The following GLCE variants were observed in gnomAD, a reference collection of about 807,000 sequenced individuals.
The protein encoded by GLCE is D-glucuronyl C5-epimerase.
GLCE carries 19 observed loss-of-function variants against 47.9 expected under a neutral mutation model. The ratio of observed to expected loss-of-function variants is 0.40; its 90% CI spans 0.28 to 0.58. The LOEUF is 0.58. Among genes scored for constraint, GLCE ranks in the 20% least tolerant of loss-of-function variants. The pLI, the probability that GLCE is intolerant of heterozygous loss-of-function variation, is 0.48. For synonymous variants in GLCE, 245 were observed against 263.4 expected (o/e 0.93, Z 0.68); for missense variants, 556 against 743.3 (o/e 0.75, Z 2.93).
intron 2 of GLCE, among the ~76,000 whole-genome samples, chr15:69,242,542 C>G (rs2052686221): frequency 6.6e-6 from 1 of 151,926 alleles, no homozygotes; most frequent in African/African-American, 2.4e-5. Context: ...TTAGTCTGTT[C>G]ATTAGCTCAT....
intron 2 of GLCE, among the ~76,000 whole-genome samples, chr15:69,243,046 G>A (rs1255871133): frequency 3.5e-5 from 4 of 115,262 alleles, no homozygotes; most frequent in African/African-American, 1.4e-4. Context: ...GACAGAGTGA[G>A]AGATCCTGTC....
At chr15:69,184,142 C>G (rs2051789277) in intron 1 of GLCE, among the ~76,000 whole-genome samples, 1 of 152,172 alleles carries the variant, frequency 6.6e-6, no homozygotes, top group South Asian at 2.1e-4. Flanking sequence ...ATTTTAACAT[C>G]CAGGAATTTT....
intron 2 of GLCE, among the ~76,000 whole-genome samples, chr15:69,219,955 C>A (rs1164521045): frequency 6.6e-6 from 1 of 152,068 alleles, no homozygotes; most frequent in Non-Finnish European, 1.5e-5. Flanking sequence ...GTACCTCATA[C>A]AAATGGAATT....
intron 4 of GLCE, among the ~76,000 whole-genome samples, chr15:69,262,339 A>G (rs2053026784): frequency 6.6e-6 from 1 of 152,214 alleles, no homozygotes; most frequent in Admixed American, 6.5e-5. Flanking sequence ...ATCTTTGCTT[A>G]TTGTAAACAA....
At chr15:69,219,877 C>T (rs1035515729) in intron 2 of GLCE, among the ~76,000 whole-genome samples, 1 of 151,972 alleles carries the variant, frequency 6.6e-6, no homozygotes, top group Admixed American at 6.6e-5. Flanking sequence ...TCAGTAACTC[C>T]CCAGTTTTCC....
At chr15:69,265,563 T>A (rs952967098) in intron 4 of GLCE, among the ~76,000 whole-genome samples, 1 of 152,232 alleles carries the variant, frequency 6.6e-6, no homozygotes, top group Admixed American at 6.5e-5. Context: ...TCTGCTGGTG[T>A]TAAGGTCTTA....
At chr15:69,173,441 A>G (rs548892200) in intron 1 of GLCE, among the ~76,000 whole-genome samples, 5 of 152,356 alleles carry the variant, frequency 3.3e-5, no homozygotes, top group South Asian at 4.1e-4. Flanking sequence ...ACATGGAAGA[A>G]GGATTAAGCA....
At chr15:69,253,801 A>T (rs1289010279) in intron 2 of GLCE, among the ~76,000 whole-genome samples, 1 of 152,230 alleles carries the variant, frequency 6.6e-6, no homozygotes, top group African/African-American at 2.4e-5. Context: ...AATCACACAC[A>T]TAGTAACAAG....
intron 1 of GLCE, among the ~76,000 whole-genome samples, chr15:69,184,974 CAGTG>C (rs1248686390): frequency 6.6e-6 from 1 of 152,210 alleles, no homozygotes; most frequent in African/African-American, 2.4e-5. Context: ...CAGTTTCTGG[CAGTG>C]AGGATGGATC....
chr15:69,170,577 T>C (rs1036393540), intron 1 of GLCE, among the ~76,000 whole-genome samples: 1 of 152,202 alleles, frequency 6.6e-6, no homozygotes, highest in African/African-American at 2.4e-5. Context: ...TGCATGCATG[T>C]GTGTAATGTG....
intron 1 of GLCE, among the ~76,000 whole-genome samples, chr15:69,167,191 G>A (rs1208970920): frequency 6.6e-6 from 1 of 152,128 alleles, no homozygotes; most frequent in Non-Finnish European, 1.5e-5. Flanking sequence ...ACTCAGGCTG[G>A]GTGACAGAGC....
rs1248310652 is a variant in GLCE, at chr15:69,255,871, T to C, written c.65T>C (p.Leu22Ser). The change falls in exon 3 of 5, where the codon TTG (leucine) becomes TCG (serine). Residue 22 changes from leucine to serine, a missense_variant. Leu to Ser is a moderately radical substitution (Grantham distance 145, BLOSUM62 -2). Around this residue, in one of 3 missense-constraint regions of GLCE, gnomAD observed 237 missense variants for 310.9 expected, o/e 0.76. Coordinates refer to ENST00000261858, the MANE Select transcript of GLCE (RefSeq NM_015554.3). ...TLIIICALFTLVTVLLWNKCS... is the reference protein window; with the variant it reads ...TLIIICALFTSVTVLLWNKCS... ...ATTATTATCTGCGCACTCTTCACTTTGGTCACAGTACTTTTGTGGAATAAG... is the reference window on the plus strand; with the variant it reads ...ATTATTATCTGCGCACTCTTCACTTCGGTCACAGTACTTTTGTGGAATAAG... 1.8e-5 allele frequency: 29 copies of C among 1,614,138 alleles called. No individual in the cohort carries two copies. The highest frequency in any genetic ancestry group is 3.3e-5 in the Admixed American group (2 of 60,006).
chr15:69,256,777 A>G (rs2052931622), intron 3 of GLCE, among the ~76,000 whole-genome samples: 2 of 152,192 alleles, frequency 1.3e-5, no homozygotes, highest in Admixed American at 1.3e-4. Flanking sequence ...TGGTTACCTA[A>G]TGAGTCAGGT....
intron 1 of GLCE, among the ~76,000 whole-genome samples, chr15:69,202,879 T>C (rs751213012): frequency 7.9e-5 from 12 of 152,148 alleles, no homozygotes; most frequent in Non-Finnish European, 1.3e-4. Flanking sequence ...TTTCTTATTC[T>C]GACCTTTAAT....
intron 2 of GLCE, among the ~76,000 whole-genome samples, chr15:69,236,063 C>G (rs1258381653): frequency 2.0e-5 from 3 of 152,158 alleles, no homozygotes; most frequent in Non-Finnish European, 4.4e-5. Context: ...ACTTCTTTCA[C>G]GTAGTGAAAT....
At chr15:69,229,779 C>G (rs958734883) in intron 2 of GLCE, among the ~76,000 whole-genome samples, 35 of 151,706 alleles carry the variant, frequency 2.3e-4, no homozygotes, top group African/African-American at 8.5e-4. Context: ...TATACCCAAT[C>G]ATAGCAATAA....
intron 2 of GLCE, among the ~76,000 whole-genome samples, chr15:69,223,167 T>C (rs2140392367): frequency 6.6e-6 from 1 of 152,336 alleles, no homozygotes; most frequent in East Asian, 1.9e-4. Context: ...GTTACTTTTA[T>C]TGAGATATTT....
At chr15:69,242,714 A>G (rs1321732626) in intron 2 of GLCE, among the ~76,000 whole-genome samples, 2 of 152,066 alleles carry the variant, frequency 1.3e-5, no homozygotes, top group East Asian at 3.9e-4. Context: ...AAGGTTCATC[A>G]TATTATTCTT....
At chr15:69,183,599 G>A (rs550484679) in intron 1 of GLCE, among the ~76,000 whole-genome samples, 2 of 152,162 alleles carry the variant, frequency 1.3e-5, no homozygotes, top group Non-Finnish European at 2.9e-5. Context: ...TGCTATTTCT[G>A]TAAACCAATG....
Sources: allele counts gnomAD v4.1 joint callset (sites outside exome capture counted in the v4.1 genomes callset), GRCh38; gene constraint gnomAD v4.1.1; regional missense constraint gnomAD v4.1.1; transcripts MANE v1.5; gene names NCBI Gene and HGNC (gene_info 2026-07-23, HGNC 2026-07-21).